Variants in ABCC2 observed in about 807,000 individuals in gnomAD.
ABCC2 encodes the protein ATP binding cassette subfamily C member 2.
In ABCC2, 157 loss-of-function variants were observed where a neutral mutation model predicts 173.4. That is an observed-to-expected ratio of 0.91 (90% CI 0.80 to 1.03). The LOEUF is 1.03. Among genes scored for constraint, ABCC2 ranks in the 50% least tolerant of loss-of-function variants. The pLI is 0.00. For missense variants in ABCC2, 1,822 were observed against 1,852.3 expected, an observed-to-expected ratio of 0.98 and a Z score of 0.30; for synonymous variants, 657 against 693.5, an observed-to-expected ratio of 0.95 and a Z score of 0.83.
chr10:99,793,122 AT>A (rs1377839841), intron 3 of ABCC2, among the ~76,000 whole-genome samples: 1 of 152,214 alleles, frequency 6.6e-6, no homozygotes. Flanking sequence ...ATAAGGCAAG[AT>A]TTTTTAAAAA....
chr10:99,827,357 C>G (rs2038662525), intron 19 of ABCC2, among the ~76,000 whole-genome samples: 1 of 152,148 alleles, frequency 6.6e-6, no homozygotes, highest in African/African-American at 2.4e-5. Flanking sequence ...ATATCACCTC[C>G]TGTAATTGAT....
intron 11 of ABCC2, among the ~76,000 whole-genome samples, chr10:99,806,073 C>CTCTCTCTGTG (rs779146023): frequency 0.014 from 608 of 42,908 alleles, 4 homozygotes; most frequent in Admixed American, 0.032. Context: ...CTCTCTCTCT[C>CTCTCTCTGTG]TGTCTGTGTG....
intron 15 of ABCC2, 114 bp from the exon 16 acceptor site, chr10:99,812,904 T>C: frequency 2.1e-6 from 3 of 1,433,914 alleles, no homozygotes; most frequent in Non-Finnish European, 2.9e-6. Context: ...AATTTTCCAA[T>C]CTTGAGGGGA....
intron 1 of ABCC2, among the ~76,000 whole-genome samples, 196 bp downstream of exon 1, chr10:99,783,073 C>T (rs1334822122): frequency 6.6e-6 from 1 of 152,166 alleles, no homozygotes; most frequent in Non-Finnish European, 1.5e-5. Context: ...GCAAATTATT[C>T]TCTGTCATAT....
rs1564685238 is a variant in ABCC2 at position 99,814,525 on chromosome 10, A to ACATATACACATATACACACACATATGTG, written c.2094+1381_2094+1382insCATATACACATATACACACACATATGTG. Reference sequence around the variant, plus strand: ...TGTGTGTGTATGTGTATATATACATATATATACACATATACACACACATAT... The same window carrying ACATATACACATATACACACACATATGTG: ...TGTGTGTGTATGTGTATATATACATACATATACACATATACACACACATATGTGTATATACACATATACACACACATAT... On this transcript the variant is annotated intron_variant, in intron 16 of 31. Transcript: ENST00000647814. Among the ~76,000 whole-genome samples the ACATATACACATATACACACACATATGTG allele has an allele frequency of 3.1e-3, 75 of 24,396 alleles. 20 individuals carry two copies. Among genetic ancestry groups the ACATATACACATATACACACACATATGTG allele is most frequent in the African/African-American group, 9.5e-3 (59 of 6,194 alleles). The allele number at this position is 24,396 out of a possible 152,430, so 16.0% of individuals were successfully genotyped here.
At chr10:99,825,584 C>T (rs1346428664) in intron 19 of ABCC2, among the ~76,000 whole-genome samples, 3 of 152,224 alleles carry the variant, frequency 2.0e-5, no homozygotes. Flanking sequence ...TTCAGCAATC[C>T]TGTCTCCTGG....
intron 25 of ABCC2, among the ~76,000 whole-genome samples, chr10:99,840,420 C>T (rs1590189502): frequency 6.8e-6 from 1 of 147,124 alleles, no homozygotes; most frequent in South Asian, 2.1e-4. Flanking sequence ...CCTAAGCCAC[C>T]GACCCCAGCC....
At chr10:99,787,853 A>G (rs2037743681) in intron 2 of ABCC2, among the ~76,000 whole-genome samples, 1 of 152,106 alleles carries the variant, frequency 6.6e-6, no homozygotes, top group Non-Finnish European at 1.5e-5. Flanking sequence ...GCTTGAGCCC[A>G]GCATTTCGAG....
At chr10:99,793,508 T>G in intron 3 of ABCC2, 43 bp from the exon 4 acceptor site, 1 of 1,613,410 alleles carries the variant, frequency 6.2e-7, no homozygotes, top group Non-Finnish European at 8.5e-7. Context: ...AGTCCTCGGT[T>G]AGTGGCAGTA....
chr10:99,784,794 C>A lies in ABCC2; in HGVS notation c.207+13C>A. 6.2e-7 allele frequency: 1 copy of A among 1,613,460 alleles called. No homozygotes were observed. The highest frequency in any genetic ancestry group is 8.5e-7 in the Non-Finnish European group (1 of 1,179,476). On this transcript the variant is annotated intron_variant, in intron 2 of 31. Coordinates refer to ENST00000647814, the MANE Select transcript of ABCC2 (RefSeq NM_000392.5). The stretch of plus-strand genomic sequence containing the variant: ...TCTTGCTAAGCAGGTAAAGTTAACA[C>A]CACTGTTTCTGAACTCTAATTCCTT...
chr10:99,834,321 A>C lies in ABCC2; in HGVS notation c.3259-59A>C, dbSNP rs1044518023. The C allele has an allele frequency of 1.9e-6, 3 of 1,553,816 alleles. No individual in the cohort carries two copies. The African/African-American group carries it at 4.1e-5, about 21-fold the overall frequency. The stretch of plus-strand genomic sequence containing the variant: ...CAGATTCCTTGCTAGAACTAGGAAG[A>C]TGTAAACTATCTTAGGAAGACCTCA... On this transcript the variant is annotated intron_variant, in intron 23 of 31. Transcript: ENST00000647814.
chr10:99,815,660 CT>C (rs1430551289), intron 16 of ABCC2, among the ~76,000 whole-genome samples: 1 of 151,972 alleles, frequency 6.6e-6, no homozygotes, highest in African/African-American at 2.4e-5. Context: ...AGCTTTTTTT[CT>C]TAAGATCTTC....
chr10:99,845,309 A>G (rs2039001311), intron 28 of ABCC2, among the ~76,000 whole-genome samples: 1 of 152,194 alleles, frequency 6.6e-6, no homozygotes, highest in Non-Finnish European at 1.5e-5. Flanking sequence ...CTGGGATTAT[A>G]GGCATGAGCC....
At chr10:99,797,519 C>A in intron 7 of ABCC2, 188 bp downstream of exon 7, 1 of 613,054 alleles carries the variant, frequency 1.6e-6, no homozygotes, top group Non-Finnish European at 2.9e-6. Flanking sequence ...ATGTACTGTT[C>A]TCTTTCCTTT....
In ABCC2 at chr10:99,814,156, TACACACGTATATATAC is replaced by T. The variant is rs2038278368; in HGVS notation, c.2094+1018_2094+1033del. ...GTGTATATATACACACATGTATGTA[TACACACGTATATATAC>T]ACACATGTATGTATACACACATGTG... On this transcript the variant is annotated intron_variant, in intron 16 of 31. Coordinates refer to ENST00000647814, the MANE Select transcript of ABCC2 (RefSeq NM_000392.5). Among the ~76,000 whole-genome samples the T allele has an allele frequency of 6.6e-5, 2 of 30,078 alleles. 1 individual carries two copies. The highest frequency in any genetic ancestry group is 1.4e-4 in the Non-Finnish European group (2 of 14,752). The allele number at this position is 30,078 out of a possible 152,430, so 19.7% of individuals were successfully genotyped here.
chr10:99,798,730 T>C (rs1332245941), intron 7 of ABCC2, among the ~76,000 whole-genome samples: 2 of 152,184 alleles, frequency 1.3e-5, no homozygotes, highest in African/African-American at 4.8e-5. Flanking sequence ...CTCATCTTAA[T>C]TTGGTTACAT....
Position 99,817,486 on chromosome 10 carries a change from T to C in ABCC2, c.2271+2T>C, listed in dbSNP as rs1298723259. ...GATTTGGCTGAGATTGGAGAGAAGG[T>C]ACTTGGGATAACAAGGGATCTTCAA... On this transcript the variant is annotated splice_donor_variant, in intron 17 of 31. Coordinates refer to ENST00000647814, the MANE Select transcript of ABCC2 (RefSeq NM_000392.5). LOFTEE classifies it high-confidence loss of function. 6.8e-6 allele frequency: 11 copies of C among 1,614,100 alleles called. No homozygotes were observed. Among genetic ancestry groups the C allele is most frequent in the Non-Finnish European group, 9.3e-6 (11 of 1,180,004 alleles).
rs1426484606 is a variant in ABCC2, at chr10:99,814,538, T to C, written c.2094+1394T>C. On this transcript the variant is annotated intron_variant, in intron 16 of 31. Transcript: ENST00000647814. ...GTATATATACATATATATACACATA[T>C]ACACACACATATGTGTATATACACA... 5.0e-5 allele frequency among the ~76,000 whole-genome samples: 4 copies of C among 79,642 alleles called. 1 individual carries two copies. The highest frequency in any genetic ancestry group is 2.0e-4 in the African/African-American group (4 of 20,440). The allele number at this position is 79,642 out of a possible 152,430, so 52.2% of individuals were successfully genotyped here.
At position 99,804,253 on chromosome 10, in the gene ABCC2, A is replaced by G. The variant is rs1436588965; in HGVS notation, c.1444A>G (p.Thr482Ala). The stretch of plus-strand genomic sequence containing the variant: ...AATCCCAATTAATGCGATACTGTCC[A>G]CCAAGAGTAAGACCATTCAGGTAAA... ...LVIPINAILS[T>A]KSKTIQVKNM... is the part of the protein sequence containing the mutation. Residue 482 changes from threonine (T) to alanine (A), a missense_variant, in exon 10 of 32, where the codon ACC (threonine) becomes GCC (alanine). Coordinates refer to ENST00000647814, the MANE Select transcript of ABCC2 (RefSeq NM_000392.5). 9.3e-6 allele frequency: 15 copies of G among 1,614,050 alleles called. No homozygotes were observed. Among genetic ancestry groups the G allele is most frequent in the East Asian group, 2.2e-5 (1 of 44,894 alleles).
Sources: allele counts gnomAD v4.1 joint callset (sites outside exome capture counted in the v4.1 genomes callset), GRCh38; gene constraint gnomAD v4.1.1; transcripts MANE v1.5; gene names NCBI Gene and HGNC (gene_info 2026-07-23, HGNC 2026-07-21).